LIPC: variants seen among roughly 807,000 people sequenced by gnomAD.
The protein encoded by LIPC is lipase C, hepatic type, also known as hepatic triacylglycerol lipase.
Under a neutral mutation model 50.7 loss-of-function variants are expected in LIPC, and 44 were observed. The ratio of observed to expected loss-of-function variants is 0.87; its 90% CI spans 0.68 to 1.11. The LOEUF (loss-of-function observed/expected upper bound fraction) is 1.11, where lower values mean the gene tolerates loss of function less well. Among genes scored for constraint, LIPC ranks in the 50% most tolerant of loss-of-function variants. The pLI is 0.00. For missense variants in LIPC, 697 were observed against 648.2 expected, an observed-to-expected ratio of 1.08 and a Z score of -0.82; for synonymous variants, 271 against 256.4, an observed-to-expected ratio of 1.06 and a Z score of -0.54.
chr15:58,543,329 G>A (rs528373621), intron 4 of LIPC, among the ~76,000 whole-genome samples: 17 of 152,070 alleles, frequency 1.1e-4, no homozygotes, highest in Middle Eastern at 3.4e-3. Flanking sequence ...TATAAAACCC[G>A]GGAGGCACAG....
intron 1 of LIPC, among the ~76,000 whole-genome samples, chr15:58,507,701 G>A (rs868083406): frequency 2.0e-5 from 3 of 152,192 alleles, no homozygotes; most frequent in Admixed American, 6.5e-5. Flanking sequence ...GAGGCTAAGG[G>A]AAAGCTTCCC....
Position 58,497,378 on chromosome 15 carries a change from T to G in LIPC, c.89-40955T>G, listed in dbSNP as rs149296708. Among the ~76,000 whole-genome samples the G allele has an allele frequency of 4.2e-3, 634 of 152,074 alleles. 4 individuals are homozygous for G. The highest frequency in any genetic ancestry group is 0.017 in the South Asian group (80 of 4,826). ...GAAGTGGGGGAAGTCAGGCTGTGTTTATTGGGCAAGGAGAAGGGGTCTCTG... is the reference window on the plus strand; with the variant it reads ...GAAGTGGGGGAAGTCAGGCTGTGTTGATTGGGCAAGGAGAAGGGGTCTCTG... On this transcript the variant is annotated intron_variant, in intron 1 of 8. Transcript: ENST00000299022.
chr15:58,530,327 C>T (rs1193840566), intron 1 of LIPC, among the ~76,000 whole-genome samples: 1 of 152,228 alleles, frequency 6.6e-6, no homozygotes, highest in African/African-American at 2.4e-5. Context: ...CCCTCCCCGA[C>T]CTGGTCTTTT....
chr15:58,483,366 A>G (rs1363861394), intron 1 of LIPC, among the ~76,000 whole-genome samples: 1 of 152,156 alleles, frequency 6.6e-6, no homozygotes, highest in Non-Finnish European at 1.5e-5. Flanking sequence ...TTCTAACTCC[A>G]AGGGGCTCAG....
At chr15:58,448,372 T>C (rs1175624810) in intron 1 of LIPC, among the ~76,000 whole-genome samples, 1 of 152,236 alleles carries the variant, frequency 6.6e-6, no homozygotes, top group African/African-American at 2.4e-5. Flanking sequence ...AGCTCAGGAC[T>C]GGGGCTTTCT....
chr15:58,505,190 C>G (rs150407747), intron 1 of LIPC, among the ~76,000 whole-genome samples: 1 of 152,222 alleles, frequency 6.6e-6, no homozygotes, highest in African/African-American at 2.4e-5. Context: ...ACTCTACAGC[C>G]GGCCATCAGG....
chr15:58,541,902 A>G lies in LIPC; in HGVS notation c.391A>G (p.Thr131Ala). The change falls in exon 3 of 9, where the codon ACC (threonine) becomes GCC (alanine). Residue 131 changes from threonine (T) to alanine (A), a missense_variant. Thr to Ala is a moderately conservative substitution (Grantham distance 58, BLOSUM62 0). Transcript: ENST00000299022. ...DWITLAHDHYTIAVRNTRLVG... is the reference protein window; with the variant it reads ...DWITLAHDHYAIAVRNTRLVG... ...GATCACCCTGGCCCACGACCACTAC[A>G]CCATCGCCGTCCGCAACACCCGCCT... 1 of 1,611,892 alleles carries G rather than the reference A, an allele frequency of 6.2e-7. No individual in the cohort carries two copies. Among genetic ancestry groups the G allele is most frequent in the East Asian group, 2.2e-5 (1 of 44,866 alleles).
intron 1 of LIPC, among the ~76,000 whole-genome samples, chr15:58,437,864 C>A (rs544536942): frequency 7.2e-5 from 11 of 152,308 alleles, no homozygotes; most frequent in Admixed American, 7.2e-4. Flanking sequence ...ATGCAAGAGA[C>A]CCTCCCATCC....
chr15:58,486,245 G>C (rs1447044882), intron 1 of LIPC, among the ~76,000 whole-genome samples: 1 of 152,156 alleles, frequency 6.6e-6, no homozygotes. Flanking sequence ...GTCTCACCCA[G>C]AGCATCCCTC....
chr15:58,494,807 G>T (rs776592668), intron 1 of LIPC: 15 of 456,144 alleles, frequency 3.3e-5, no homozygotes, highest in Non-Finnish European at 6.6e-5. Context: ...GTTCTTGCTA[G>T]TTCTTGCTTG....
At chr15:58,478,918 G>A (rs1891093063) in intron 1 of LIPC, among the ~76,000 whole-genome samples, 1 of 152,234 alleles carries the variant, frequency 6.6e-6, no homozygotes, top group South Asian at 2.1e-4. Flanking sequence ...AGGATGCCAT[G>A]TCAACAAAAA....
At chr15:58,505,883 TCA>T (rs1204332573) in intron 1 of LIPC, among the ~76,000 whole-genome samples, 4 of 145,124 alleles carry the variant, frequency 2.8e-5, no homozygotes, top group Admixed American at 1.4e-4. Flanking sequence ...AGGTTGCTGG[TCA>T]GCCCTAGGGA....
intron 1 of LIPC, among the ~76,000 whole-genome samples, chr15:58,494,533 G>C (rs755507188): frequency 6.6e-6 from 1 of 152,216 alleles, no homozygotes; most frequent in African/African-American, 2.4e-5. Context: ...TGAACAAAGG[G>C]AAGTATGCTG....
rs1464797714 is a variant in LIPC at position 58,568,746 on chromosome 15, C to T, written c.1419C>T (p.Asp473=). Reference sequence around the variant, plus strand: ...CATTTTGTTCAGAAAACACAGATGACCTACTACTTCGCCCAACCCAGGAAA... The same window carrying T: ...CATTTTGTTCAGAAAACACAGATGATCTACTACTTCGCCCAACCCAGGAAA... ...RMTFCSENTD[D]LLLRPTQEKI... is the part of the protein sequence containing the mutation. The change falls in exon 9 of 9, where the codon GAC becomes GAT. Residue 473 remains aspartate, a synonymous_variant. Transcript: ENST00000299022. 4 of 1,609,896 alleles carry T rather than the reference C, an allele frequency of 2.5e-6. No individual in the cohort carries two copies. Among genetic ancestry groups the T allele is most frequent in the Non-Finnish European group, 3.4e-6 (4 of 1,176,542 alleles).
chr15:58,477,904 G>T (rs745629839), intron 1 of LIPC, among the ~76,000 whole-genome samples: 2 of 152,004 alleles, frequency 1.3e-5, no homozygotes, highest in Non-Finnish European at 2.9e-5. Flanking sequence ...CAGTCCGCAG[G>T]TGCCCACAAG....
intron 1 of LIPC, among the ~76,000 whole-genome samples, chr15:58,525,710 G>A (rs1257963425): frequency 6.6e-6 from 1 of 152,206 alleles, no homozygotes; most frequent in Non-Finnish European, 1.5e-5. Context: ...TCTCAGCACT[G>A]ATCTTCTGGT....
At chr15:58,551,687 T>C (rs918185604) in intron 6 of LIPC, among the ~76,000 whole-genome samples, 1 of 152,254 alleles carries the variant, frequency 6.6e-6, no homozygotes, top group East Asian at 1.9e-4. Flanking sequence ...TGAATACATA[T>C]TACACTCTTA....
chr15:58,504,666 C>A (rs879646624), intron 1 of LIPC, among the ~76,000 whole-genome samples: 2 of 152,162 alleles, frequency 1.3e-5, no homozygotes, highest in Admixed American at 1.3e-4. Flanking sequence ...TTTTCTCCTC[C>A]CAGTAATCTC....
intron 1 of LIPC, among the ~76,000 whole-genome samples, chr15:58,451,598 G>T (rs984958341): frequency 6.6e-6 from 1 of 152,264 alleles, no homozygotes; most frequent in South Asian, 2.1e-4. Context: ...CAGGAGAATG[G>T]GATGTCTGAT....
Sources: gnomAD v4.1 joint callset for allele counts (sites outside exome capture counted in the v4.1 genomes callset) on GRCh38, gnomAD v4.1.1 for gene constraint, MANE v1.5 for transcripts, NCBI Gene and HGNC (gene_info 2026-07-23, HGNC 2026-07-21) for gene names.